Variants in MCF2L observed in about 807,000 individuals in gnomAD.
MCF2L encodes guanine nucleotide exchange factor DBS.
MCF2L carries 97 observed loss-of-function variants against 153.4 expected under a neutral mutation model. The ratio of observed to expected loss-of-function variants is 0.63; its 90% CI spans 0.54 to 0.75. The LOEUF (loss-of-function observed/expected upper bound fraction) is 0.75, where lower values mean the gene tolerates loss of function less well. Among genes scored for constraint, MCF2L ranks in the 30% least tolerant of loss-of-function variants. MCF2L has a pLI of 0.00. For synonymous variants in MCF2L, 659 were observed against 632.2 expected (o/e 1.04, Z -0.64); for missense variants, 1,347 against 1,495.2 (o/e 0.90, Z 1.64).
chr13:112,902,252 G>T, exon 2 of MCF2L: 1 of 1,612,874 alleles, frequency 6.2e-7, no homozygotes, highest in South Asian at 1.1e-5. Context: ...GGAAGCAACA[G>T]TTATTCTTCC....
intron 2 of MCF2L, among the ~76,000 whole-genome samples, chr13:112,939,975 A>T (rs568957161): frequency 9.9e-5 from 15 of 152,008 alleles, no homozygotes; most frequent in African/African-American, 3.6e-4. Context: ...TCTCAAAAAA[A>T]AAAAAAAGTT....
intron 1 of MCF2L, among the ~76,000 whole-genome samples, chr13:113,008,171 C>T: frequency 6.6e-6 from 1 of 152,232 alleles, no homozygotes. Flanking sequence ...TCCACCTTGG[C>T]CTCCCAAAGT....
intron 26 of MCF2L, among the ~76,000 whole-genome samples, chr13:113,092,880 C>T (rs532139111): frequency 1.3e-5 from 2 of 152,360 alleles, no homozygotes; most frequent in South Asian, 4.1e-4. Flanking sequence ...GCTCAAGAAT[C>T]CTTTTGTGTC....
intron 2 of MCF2L, chr13:112,909,163 A>C: frequency 1.3e-6 from 1 of 773,686 alleles, no homozygotes; most frequent in Non-Finnish European, 2.4e-6. Flanking sequence ...GGTTAAGTCC[A>C]GGACTGGCAA....
In MCF2L at chr13:113,045,147, G is replaced by T; in HGVS notation, c.279-124G>T. ...CCCCCGTGTGCCATGCCTCTCACCT[G>T]GTATTGCAGAAATGGCATCATGAAT... On this transcript the variant is annotated intron_variant, in intron 3 of 29. Transcript: ENST00000535094. The surrounding 1 kb of genome is among the most constrained non-coding windows in gnomAD (Gnocchi z 4.2). 1 of 954,504 alleles carries T rather than the reference G, an allele frequency of 1.0e-6. No homozygotes were observed. 59.1% of individuals were successfully genotyped at this position (954,504 alleles called of 1,614,324 possible). A position where few individuals can be genotyped will look rare whatever the true frequency, so the allele number is the denominator to read the frequency against.
chr13:113,049,983 G>A (rs1219819283), intron 4 of MCF2L, among the ~76,000 whole-genome samples: 1 of 152,192 alleles, frequency 6.6e-6, no homozygotes, highest in Admixed American at 6.5e-5. Flanking sequence ...TGCTGAGGGC[G>A]TGTGGGAGAA....
intron 27 of MCF2L, 102 bp downstream of exon 27, chr13:113,094,737 C>T: frequency 1.4e-6 from 2 of 1,386,488 alleles, no homozygotes; most frequent in Non-Finnish European, 2.0e-6. Context: ...AGGACACAGC[C>T]CCAGCTCCTC....
intron 20 of MCF2L, among the ~76,000 whole-genome samples, chr13:113,085,732 C>T (rs1324287655): frequency 3.6e-5 from 4 of 110,196 alleles, no homozygotes; most frequent in Admixed American, 8.3e-5. Context: ...GGGAGCTCCC[C>T]GGGGAGCAGG....
intron 2 of MCF2L, among the ~76,000 whole-genome samples, chr13:112,912,486 T>G (rs372917097): frequency 1.8e-4 from 28 of 152,124 alleles, no homozygotes; most frequent in African/African-American, 6.3e-4. Context: ...CCAGCTAATT[T>G]TTGTATTTTT....
intron 1 of MCF2L, among the ~76,000 whole-genome samples, chr13:112,999,663 G>T (rs559467531): frequency 6.6e-6 from 1 of 152,278 alleles, no homozygotes; most frequent in East Asian, 1.9e-4. Flanking sequence ...GGGAGAGGGG[G>T]TGTTTGGTAC....
At chr13:112,928,222 G>GC (rs1382175960) in intron 2 of MCF2L, among the ~76,000 whole-genome samples, 1 of 152,228 alleles carries the variant, frequency 6.6e-6, no homozygotes, top group Non-Finnish European at 1.5e-5. Flanking sequence ...AACGCGGCCG[G>GC]CCGTGCACCA....
At chr13:112,895,647 C>G (rs2081060073) in intron 1 of MCF2L, among the ~76,000 whole-genome samples, 1 of 152,134 alleles carries the variant, frequency 6.6e-6, no homozygotes, top group Non-Finnish European at 1.5e-5. Context: ...GACGGGACCC[C>G]GGGAGCCTGT....
At chr13:112,894,847 G>T (rs941325553) in intron 1 of MCF2L, among the ~76,000 whole-genome samples, 2 of 151,706 alleles carry the variant, frequency 1.3e-5, no homozygotes, top group African/African-American at 2.4e-5. Flanking sequence ...CCAGAGCGAT[G>T]GGGGGCCAGT....
At chr13:113,042,030 G>A (rs1182863820) in intron 3 of MCF2L, among the ~76,000 whole-genome samples, 4 of 152,132 alleles carry the variant, frequency 2.6e-5, no homozygotes, top group South Asian at 2.1e-4. Context: ...ATGAATAGCT[G>A]TAGGGCTGTT....
In MCF2L at chr13:112,932,159, A is replaced by G. The variant is rs2081470698; in HGVS notation, c.169+29788A>G. ...GAGTAACTTCCCAGCAGAGGACCTGACGACCTGAGCCAGGCAATCGAGGTC... is the reference window on the plus strand; with the variant it reads ...GAGTAACTTCCCAGCAGAGGACCTGGCGACCTGAGCCAGGCAATCGAGGTC... On this transcript the variant is annotated intron_variant, in intron 2 of 29. Coordinates refer to the MCF2L transcript ENST00000375608. The surrounding 1 kb of genome is among the most constrained non-coding windows in gnomAD (Gnocchi z 4.6). Among the ~76,000 whole-genome samples, 1 of 152,164 alleles carries G rather than the reference A, an allele frequency of 6.6e-6. No individual in the cohort carries two copies. The highest frequency in any genetic ancestry group is 6.5e-5 in the Admixed American group (1 of 15,274).
chr13:113,041,847 G>A (rs1034903600), intron 3 of MCF2L, among the ~76,000 whole-genome samples: 2 of 152,114 alleles, frequency 1.3e-5, no homozygotes, highest in African/African-American at 4.8e-5. Context: ...CTGCTTGGTG[G>A]GAACATTAGG....
Position 113,028,049 on chromosome 13 carries a change from C to T in MCF2L, c.278+3291C>T, listed in dbSNP as rs1056511121. 1.3e-5 allele frequency among the ~76,000 whole-genome samples: 2 copies of T among 152,184 alleles called. No homozygotes were observed. Among genetic ancestry groups the T allele is most frequent in the Non-Finnish European group, 2.9e-5 (2 of 68,020 alleles). ...GGGCTAAATGAGATTCTGTGGTGTCCACACTGAATGCTGACTGGTCAGACT... is the reference window on the plus strand; with the variant it reads ...GGGCTAAATGAGATTCTGTGGTGTCTACACTGAATGCTGACTGGTCAGACT... On this transcript the variant is annotated intron_variant, in intron 3 of 29. Coordinates refer to ENST00000535094, the MANE Select transcript of MCF2L (RefSeq NM_001112732.3). The surrounding 1 kb of genome is among the most constrained non-coding windows in gnomAD (Gnocchi z 5.4).
At position 113,074,240 on chromosome 13, in the gene MCF2L, C is replaced by T. The variant is rs1373176433; in HGVS notation, c.997-204C>T. Among the ~76,000 whole-genome samples the T allele has an allele frequency of 1.3e-5, 2 of 152,154 alleles. No homozygotes were observed. Among genetic ancestry groups the T allele is most frequent in the African/African-American group, 4.8e-5 (2 of 41,438 alleles). On this transcript the variant is annotated intron_variant, in intron 9 of 29. Transcript: ENST00000535094. The surrounding 1 kb of genome is among the most constrained non-coding windows in gnomAD (Gnocchi z 4.2). ...CAGTGAGGTCACTGGTGGGTAGCGTCGACCCAGAGGCCCCACGGTCCCCGC... is the reference window on the plus strand; with the variant it reads ...CAGTGAGGTCACTGGTGGGTAGCGTTGACCCAGAGGCCCCACGGTCCCCGC...
At chr13:113,076,851 C>G (rs1384026161) in intron 12 of MCF2L, among the ~76,000 whole-genome samples, 1 of 152,256 alleles carries the variant, frequency 6.6e-6, no homozygotes, top group Non-Finnish European at 1.5e-5. Flanking sequence ...GAGGCCGGGG[C>G]CCCGTCCCGT....
Sources: gnomAD v4.1 joint callset for allele counts (sites outside exome capture counted in the v4.1 genomes callset) on GRCh38, gnomAD v4.1.1 for gene constraint, Gnocchi (gnomAD v3.1) non-coding constraint, MANE v1.5 for transcripts, NCBI Gene and HGNC (gene_info 2026-07-23, HGNC 2026-07-21) for gene names.